SLC13A3: variants seen among roughly 807,000 people sequenced by gnomAD.
SLC13A3 encodes solute carrier family 13 member 3, also known as Na(+)/dicarboxylate cotransporter 3.
In SLC13A3, 40 loss-of-function variants were observed where a neutral mutation model predicts 59.0. That is an observed-to-expected ratio of 0.68 (90% CI 0.53 to 0.88). The LOEUF is 0.88. Ranked by LOEUF, SLC13A3 falls within the 40% of genes least tolerant of loss-of-function variation. The probability of loss-of-function intolerance (pLI) is 0.00; values close to 1 mark genes in which losing one functional copy is unlikely to be tolerated. For synonymous variants in SLC13A3, 317 were observed against 330.3 expected (o/e 0.96, Z 0.44); for missense variants, 699 against 783.2 (o/e 0.89, Z 1.28).
intron 10 of SLC13A3, among the ~76,000 whole-genome samples, chr20:46,574,057 G>A (rs914776194): frequency 2.0e-5 from 3 of 152,170 alleles, no homozygotes; most frequent in African/African-American, 4.8e-5. Context: ...TCTCCTGGCT[G>A]TGCAAACGTA....
At chr20:46,639,072 C>T (rs1436172338) in intron 1 of SLC13A3, among the ~76,000 whole-genome samples, 1 of 152,168 alleles carries the variant, frequency 6.6e-6, no homozygotes, top group African/African-American at 2.4e-5. Context: ...CTATTATTAT[C>T]ATACCCATTT....
rs1267729556 is a variant in SLC13A3 at position 46,592,466 on chromosome 20, C to G, written c.858G>C (p.Met286Ile). ...GCCAGCCTGCCAACAGGAACAACAG[C>G]ATAAGAGGGAAGGCGAAAATGAACC... The part of the protein sequence containing the change: ...GSWFIFAFPL[M>I]LLFLLAGWLW... The change falls in exon 6 of 13, where the codon ATG (methionine) becomes ATC (isoleucine). Residue 286 changes from methionine (M) to isoleucine (I), a missense_variant. Met to Ile is a conservative substitution (Grantham distance 10). Coordinates refer to ENST00000279027, the MANE Select transcript of SLC13A3 (RefSeq NM_022829.6). The G allele has an allele frequency of 6.2e-7, 1 of 1,613,974 alleles. No homozygotes were observed. Among genetic ancestry groups the G allele is most frequent in the Admixed American group, 1.7e-5 (1 of 60,006 alleles).
At position 46,588,069 on chromosome 20, in the gene SLC13A3, A is replaced by G. The variant is rs1488592802; in HGVS notation, c.1111T>C (p.Phe371Leu). 3 of 1,603,858 alleles carry G rather than the reference A, an allele frequency of 1.9e-6. No homozygotes were observed. Among genetic ancestry groups the G allele is most frequent in the Admixed American group, 1.7e-5 (1 of 59,402 alleles). Residue 371 changes from phenylalanine (F) to leucine (L), a missense_variant, in exon 8 of 13, where the codon TTC (phenylalanine) becomes CTC (leucine). Coordinates refer to ENST00000279027, the MANE Select transcript of SLC13A3 (RefSeq NM_022829.6). ...PKFIPGWASLFNPGFLSDAVT... is the reference protein window; with the variant it reads ...PKFIPGWASLLNPGFLSDAVT... ...TCCCCAGAGTCTCACCCAGGATTGA[A>G]GAGGCTGGCCCAGCCAGGGATGAAC...
chr20:46,586,923 T>G lies in SLC13A3; in HGVS notation c.1121+1136A>C, dbSNP rs113311156. Among the ~76,000 whole-genome samples, 672 of 152,354 alleles carry G rather than the reference T, an allele frequency of 4.4e-3. 6 individuals are homozygous for G. The highest frequency in any genetic ancestry group is 0.015 in the African/African-American group (644 of 41,584). On this transcript the variant is annotated intron_variant, in intron 8 of 12. Coordinates refer to ENST00000279027, the MANE Select transcript of SLC13A3 (RefSeq NM_022829.6). ...GAAAGCAGCCATAGACAATATGTAA[T>G]TGAATAGGTGTGGCTGTGTGTCAAT...
At chr20:46,579,306 C>T (rs2694884) in intron 9 of SLC13A3, among the ~76,000 whole-genome samples, 4,886 of 152,064 alleles carry the variant, frequency 0.032, 80 homozygotes, top group African/African-American at 0.039. Context: ...TCTTAAATTT[C>T]TGGAGACAGG....
intron 3 of SLC13A3, among the ~76,000 whole-genome samples, chr20:46,600,837 G>A (rs568911169): frequency 1.3e-5 from 2 of 152,314 alleles, no homozygotes; most frequent in Admixed American, 1.3e-4. Context: ...TTTAGGTAGG[G>A]ACAAATGTAT....
At chr20:46,587,426 T>C (rs2122660611) in intron 8 of SLC13A3, among the ~76,000 whole-genome samples, 1 of 152,260 alleles carries the variant, frequency 6.6e-6, no homozygotes, top group African/African-American at 2.4e-5. Flanking sequence ...CTCCCCTACC[T>C]TTCCTCACCC....
chr20:46,602,948 G>C (rs2062394747), intron 3 of SLC13A3, among the ~76,000 whole-genome samples: 1 of 152,162 alleles, frequency 6.6e-6, no homozygotes, highest in Non-Finnish European at 1.5e-5. Flanking sequence ...GGAAGCCGAG[G>C]TGGGCAGATC....
intron 9 of SLC13A3, among the ~76,000 whole-genome samples, chr20:46,577,000 G>A (rs534162356): frequency 1.7e-4 from 26 of 151,044 alleles, no homozygotes; most frequent in African/African-American, 5.6e-4. Flanking sequence ...CAGTCCACAG[G>A]TGCATGCAAC....
At chr20:46,652,547 A>ATTTT (rs11471373), upstream of SLC13A3, among the ~76,000 whole-genome samples, 673 of 117,760 alleles carry the variant, frequency 5.7e-3, 7 homozygotes, top group African/African-American at 0.019. Flanking sequence ...TATCTGGCTA[A>ATTTT]TTTTTTTTTT....
intron 9 of SLC13A3, among the ~76,000 whole-genome samples, chr20:46,576,494 C>T (rs1174727811): frequency 2.0e-5 from 3 of 152,052 alleles, no homozygotes; most frequent in African/African-American, 4.8e-5. Context: ...GTTACAGAAC[C>T]GGGGAGTCCC....
chr20:46,590,260 A>T (rs975780388), intron 6 of SLC13A3, among the ~76,000 whole-genome samples: 1 of 152,196 alleles, frequency 6.6e-6, no homozygotes, highest in Non-Finnish European at 1.5e-5. Flanking sequence ...TTATTCTTTT[A>T]TAAGTCCTGT....
intron 1 of SLC13A3, among the ~76,000 whole-genome samples, chr20:46,641,935 C>G (rs2062849261): frequency 6.6e-6 from 1 of 152,192 alleles, no homozygotes; most frequent in Non-Finnish European, 1.5e-5. Flanking sequence ...GAGCCAGGTA[C>G]AAGACAACTA....
rs1196259820 is a variant in SLC13A3, at chr20:46,575,640, TG to T, written c.1264del (p.Gln422ArgfsTer81). The T allele has an allele frequency of 6.2e-7, 1 of 1,605,160 alleles. No individual in the cohort carries two copies. Among genetic ancestry groups the T allele is most frequent in the Non-Finnish European group, 8.5e-7 (1 of 1,175,716 alleles). ...TEPLLTWKKA[Q>X]ETVPWNIILL... is the part of the protein sequence containing the mutation. ...GATGATGTTCCAGGGCACTGTCTCC[TG>T]GGCCTTCTTCCAGGTCAGCAAGGGC... On this transcript the variant is annotated frameshift_variant, in exon 10 of 13. Transcript: ENST00000279027. LOFTEE classifies it high-confidence loss of function.
At chr20:46,621,754 A>G (rs2062617081) in intron 1 of SLC13A3, among the ~76,000 whole-genome samples, 1 of 152,236 alleles carries the variant, frequency 6.6e-6, no homozygotes, top group Admixed American at 6.5e-5. Flanking sequence ...ATGTCACATG[A>G]TATCTTCCCA....
intron 6 of SLC13A3, among the ~76,000 whole-genome samples, chr20:46,591,240 G>T (rs2062254060): frequency 1.3e-5 from 2 of 152,022 alleles, no homozygotes; most frequent in African/African-American, 4.8e-5. Flanking sequence ...ACTAGAAAAA[G>T]ATATCTATGT....
At chr20:46,675,391 A>G (rs1201686366) in intron 1 of SLC13A3, among the ~76,000 whole-genome samples, 3 of 143,600 alleles carry the variant, frequency 2.1e-5, no homozygotes, top group African/African-American at 5.2e-5. Flanking sequence ...TGCCACGCCC[A>G]GCTAATTTTT....
chr20:46,583,338 C>A, intron 9 of SLC13A3: 1 of 1,196,536 alleles, frequency 8.4e-7, no homozygotes, highest in South Asian at 3.3e-5. Context: ...ACAGGCTGTT[C>A]AAAAACAGAT....
rs6017928 is a variant in SLC13A3, at chr20:46,578,601, G to A, written c.1220-2916C>T. Among the ~76,000 whole-genome samples, 1,076 of 152,130 alleles carry A rather than the reference G, an allele frequency of 7.1e-3. 23 individuals carry two copies. The highest frequency in any genetic ancestry group is 0.065 in the East Asian group (334 of 5,122). On this transcript the variant is annotated intron_variant, in intron 9 of 12. Coordinates refer to ENST00000279027, the MANE Select transcript of SLC13A3 (RefSeq NM_022829.6). ...TGAGGCATGAGAATCGCTTGAACCCGGGAGGCAGAAGTTGCAGTGAGCTGA... is the reference window on the plus strand; with the variant it reads ...TGAGGCATGAGAATCGCTTGAACCCAGGAGGCAGAAGTTGCAGTGAGCTGA...
Sources: allele counts gnomAD v4.1 joint callset (sites outside exome capture counted in the v4.1 genomes callset), GRCh38; gene constraint gnomAD v4.1.1; transcripts MANE v1.5; gene names NCBI Gene and HGNC (gene_info 2026-07-23, HGNC 2026-07-21).